Variants in WDR76 observed in about 807,000 individuals in gnomAD.
WDR76 encodes WD repeat domain 76, also known as WD repeat-containing protein 76.
A neutral mutation model predicts 70.2 loss-of-function variants in WDR76; 52 were observed. The observed-to-expected ratio is 0.74, with a 90% CI of 0.59 to 0.93. The LOEUF is 0.93. Among genes scored for constraint, WDR76 ranks in the 40% least tolerant of loss-of-function variants. The pLI, the probability that WDR76 is intolerant of heterozygous loss-of-function variation, is 0.00. For synonymous variants in WDR76, 292 were observed against 271.1 expected (o/e 1.08, Z -0.76); for missense variants, 756 against 760.2 (o/e 0.99, Z 0.07).
intron 4 of WDR76, among the ~76,000 whole-genome samples, chr15:43,838,814 T>G (rs1347149093): frequency 6.6e-6 from 1 of 152,168 alleles, no homozygotes; most frequent in Non-Finnish European, 1.5e-5. Flanking sequence ...TGGGAGTTTC[T>G]CTAGGAGTAG....
At chr15:43,850,380 C>A (rs1315523277) in intron 8 of WDR76, among the ~76,000 whole-genome samples, 2 of 151,872 alleles carry the variant, frequency 1.3e-5, no homozygotes, top group East Asian at 3.9e-4. Flanking sequence ...ACTGCAAGCT[C>A]CACCTCCCGG....
At chr15:43,858,508 A>C (rs1220394958) in intron 10 of WDR76, 163 bp from the exon 11 acceptor site, 1 of 793,962 alleles carries the variant, frequency 1.3e-6, no homozygotes, top group Non-Finnish European at 1.9e-6. Context: ...CACCTCCCAA[A>C]GTGCTGGGAT....
intron 7 of WDR76, among the ~76,000 whole-genome samples, chr15:43,842,883 C>T (rs2628032): frequency 6.6e-6 from 1 of 152,034 alleles, no homozygotes; most frequent in African/African-American, 2.4e-5. Context: ...AGCAAGAATT[C>T]TATTTCAATA....
chr15:43,839,484 T>C, intron 4 of WDR76, 121 bp from the exon 5 acceptor site: 1 of 1,042,140 alleles, frequency 9.6e-7, no homozygotes, highest in Non-Finnish European at 1.3e-6. Flanking sequence ...CATGTATATA[T>C]ATATCTATGC....
Position 43,868,285 on chromosome 15 carries a change from G to A in WDR76, c.*1893G>A, listed in dbSNP as rs1211096892. On this transcript the variant is annotated 3_prime_UTR_variant, in exon 13 of 13. Transcript: ENST00000263795. ...TGGGTTCTAGAGTGGTTAGTTCTAC[G>A]GGAATTGTTTTTGTTTTTGTTTTTA... is the stretch of plus-strand genomic sequence containing the variant. 2.0e-5 allele frequency: 3 copies of A among 152,190 alleles called. No individual in the cohort carries two copies. The highest frequency in any genetic ancestry group is 2.1e-4 in the South Asian group (1 of 4,812). The allele number at this position is 152,190 out of a possible 1,614,324, so 9.4% of individuals were successfully genotyped here. A position where few individuals can be genotyped will look rare whatever the true frequency, so the allele number is the denominator to read the frequency against.
intron 1 of WDR76, 26 bp from the exon 2 acceptor site, chr15:43,827,937 TTC>T (rs762253498): frequency 7.7e-6 from 12 of 1,562,144 alleles, no homozygotes; most frequent in South Asian, 2.4e-5. Context: ...AGTTCTAATA[TTC>T]TGTTTTCTTT....
intron 10 of WDR76, among the ~76,000 whole-genome samples, chr15:43,858,252 T>G (rs139367259): frequency 0.012 from 1,780 of 150,316 alleles, 13 homozygotes; most frequent in East Asian, 0.018. Context: ...TGTTTTTTTT[T>G]TTTGTTTGTT....
chr15:43,831,341 A>T (rs1421417679), intron 2 of WDR76, among the ~76,000 whole-genome samples: 3 of 152,034 alleles, frequency 2.0e-5, no homozygotes, highest in African/African-American at 2.4e-5. Context: ...TGCCATATTT[A>T]TTGCCCAGGC....
chr15:43,844,046 T>C lies in WDR76; in HGVS notation c.1024T>C (p.Cys342Arg). The change falls in exon 8 of 13, where the codon TGT becomes CGT. Residue 342 changes from cysteine (C) to arginine (R), a missense_variant. Coordinates refer to ENST00000263795, the MANE Select transcript of WDR76 (RefSeq NM_024908.4). The part of the protein sequence containing the change: ...VGAKFGQVGL[C>R]DLTQQPKEDG... ...GGCCAAATTTGGGCAAGTTGGACTT[T>C]GTGATTTGGTAAGTTATTAAATTTC... The C allele has an allele frequency of 5.6e-6, 9 of 1,610,840 alleles. No homozygotes were observed. The highest frequency in any genetic ancestry group is 7.6e-6 in the Non-Finnish European group (9 of 1,179,146).
At chr15:43,849,206 G>A (rs2087826555) in intron 8 of WDR76, among the ~76,000 whole-genome samples, 1 of 150,452 alleles carries the variant, frequency 6.6e-6, no homozygotes, top group Non-Finnish European at 1.5e-5. Context: ...GTTGGAGGAA[G>A]GGTGAGAATA....
chr15:43,864,781 A>G (rs1243094028), intron 12 of WDR76, among the ~76,000 whole-genome samples: 3 of 150,726 alleles, frequency 2.0e-5, no homozygotes, highest in African/African-American at 7.3e-5. Flanking sequence ...TTTAGTGGAG[A>G]TGGGATTTCA....
At chr15:43,865,611 A>G (rs1221937834) in intron 12 of WDR76, among the ~76,000 whole-genome samples, 31 of 151,310 alleles carry the variant, frequency 2.0e-4, no homozygotes, top group Non-Finnish European at 4.6e-4. Flanking sequence ...GCCGTGTTGG[A>G]CAGGCTGGTC....
intron 4 of WDR76, 89 bp from the exon 5 acceptor site, chr15:43,839,516 T>C: frequency 7.7e-7 from 1 of 1,292,586 alleles, no homozygotes; most frequent in Non-Finnish European, 1.1e-6. Flanking sequence ...ATATCTGTGG[T>C]ATATATTCCT....
chr15:43,866,455 G>C lies in WDR76; in HGVS notation c.*63G>C, dbSNP rs2088072844. ...CACTGTCTAAGGAGCCTAGTAATCG[G>C]CGTGCCTTAGTGTGTTTATGTGGTA... On this transcript the variant is annotated 3_prime_UTR_variant, in exon 13 of 13. Transcript: ENST00000263795. 3.2e-6 allele frequency: 5 copies of C among 1,577,500 alleles called. No individual in the cohort carries two copies. The Middle Eastern group carries it at 5.2e-4, about 163-fold the overall frequency.
At chr15:43,830,673 A>G (rs571099825) in intron 2 of WDR76, among the ~76,000 whole-genome samples, 18 of 152,184 alleles carry the variant, frequency 1.2e-4, no homozygotes, top group Non-Finnish European at 2.1e-4. Flanking sequence ...AAGAAAAAAA[A>G]AAGGAGGTGG....
At chr15:43,852,743 C>CA (rs1056902443) in intron 9 of WDR76, among the ~76,000 whole-genome samples, 1 of 152,136 alleles carries the variant, frequency 6.6e-6, no homozygotes, top group African/African-American at 2.4e-5. Context: ...GTTTCTTTAA[C>CA]AAAATGTATT....
intron 2 of WDR76, among the ~76,000 whole-genome samples, chr15:43,828,618 C>A (rs926035033): frequency 1.3e-5 from 2 of 152,030 alleles, no homozygotes; most frequent in African/African-American, 4.8e-5. Context: ...TTTTTTCTTT[C>A]TCTAAACTAA....
At chr15:43,857,620 G>A (rs943251636) in intron 10 of WDR76, 2 of 697,194 alleles carry the variant, frequency 2.9e-6, no homozygotes, top group Non-Finnish European at 3.5e-6. Flanking sequence ...AGGAGTTCGA[G>A]ACCAGCCTGG....
rs1182688859 is a variant in WDR76, at chr15:43,851,143, T to C, written c.1089T>C (p.Val363=). The C allele has an allele frequency of 6.2e-7, 1 of 1,614,126 alleles. No homozygotes were observed. Among genetic ancestry groups the C allele is most frequent in the South Asian group, 1.1e-5 (1 of 91,082 alleles). ...TTTTTCATCCCCATAGTCAGCCAGT[T>C]AGCTGTCTTTACTTCTCACCCGCCA... The part of the protein sequence containing the change: ...VYVFHPHSQP[V]SCLYFSPANP... The change falls in exon 9 of 13, where the codon GTT becomes GTC. Residue 363 remains valine (V), a synonymous_variant. Transcript: ENST00000263795.
Sources: allele counts gnomAD v4.1 joint callset (sites outside exome capture counted in the v4.1 genomes callset), GRCh38; gene constraint gnomAD v4.1.1; transcripts MANE v1.5; gene names NCBI Gene and HGNC (gene_info 2026-07-23, HGNC 2026-07-21).